CACNA1I: variants seen among roughly 807,000 people sequenced by gnomAD.
The protein encoded by CACNA1I is calcium voltage-gated channel subunit alpha1 I, also known as voltage-dependent T-type calcium channel subunit alpha-1I.
Under a neutral mutation model 201.6 loss-of-function variants are expected in CACNA1I, and 74 were observed. The observed-to-expected ratio is 0.37, with a 90% CI of 0.30 to 0.45. CACNA1I has a LOEUF of 0.45. CACNA1I is among the 20% of genes least tolerant of loss of function. The pLI, the probability that CACNA1I is intolerant of heterozygous loss-of-function variation, is 1.00. For missense variants in CACNA1I, 2,346 were observed against 3,138.1 expected, an observed-to-expected ratio of 0.75 and a Z score of 6.03; for synonymous variants, 1,431 against 1,345.2, an observed-to-expected ratio of 1.06 and a Z score of -1.40.
chr22:39,679,930 G>T, intron 33 of CACNA1I, 62 bp downstream of exon 33: 1 of 1,524,538 alleles, frequency 6.6e-7, no homozygotes, highest in Non-Finnish European at 8.9e-7. Context: ...CTGGTGGGGG[G>T]CCTGTCCGAG....
At position 39,683,128 on chromosome 22, in the gene CACNA1I, C is replaced by G. The variant is rs1285785128; in HGVS notation, c.5830+467C>G. ...GTTTTGTGAATTCCTGATACTTATC[C>G]TTCAGCCCTACCTGCAGTGTTCTGT... On this transcript the variant is annotated intron_variant, in intron 35 of 36. Coordinates refer to ENST00000402142, the MANE Select transcript of CACNA1I (RefSeq NM_021096.4). Among the ~76,000 whole-genome samples the G allele has an allele frequency of 3.9e-5, 6 of 152,202 alleles. No individual in the cohort carries two copies. The East Asian group carries it at 1.2e-3, about 29-fold the overall frequency.
At chr22:39,639,025 A>T (rs1372079250) in intron 5 of CACNA1I, among the ~76,000 whole-genome samples, 2 of 151,516 alleles carry the variant, frequency 1.3e-5, no homozygotes, top group African/African-American at 4.9e-5. Context: ...GGGTTTGGGG[A>T]CCCCTGCTTT....
chr22:39,606,074 A>G (rs1305901627), intron 3 of CACNA1I, among the ~76,000 whole-genome samples: 1 of 152,000 alleles, frequency 6.6e-6, no homozygotes, highest in Non-Finnish European at 1.5e-5. Flanking sequence ...CCTTCCCACC[A>G]TTTGTCAAAG....
In CACNA1I at chr22:39,649,472, ACT is replaced by A; in HGVS notation, c.1568-26_1568-25del. 6.5e-7 allele frequency: 1 copy of A among 1,537,526 alleles called. No individual in the cohort carries two copies. The highest frequency in any genetic ancestry group is 8.8e-7 in the Non-Finnish European group (1 of 1,141,998). On this transcript the variant is annotated intron_variant, in intron 9 of 36. Coordinates refer to ENST00000402142, the MANE Select transcript of CACNA1I (RefSeq NM_021096.4). This position sits in a 1 kb window ranked among gnomAD's most constrained non-coding sequence, Gnocchi z 7.3. ...TGGATTGGGCCTGGTGTGGGCAACG[ACT>A]CTATGCCCCTCTCATTTGCTTTTCA...
chr22:39,673,916 C>T, intron 28 of CACNA1I, 47 bp from the exon 29 acceptor site: 2 of 1,579,332 alleles, frequency 1.3e-6, no homozygotes, highest in Non-Finnish European at 8.7e-7. Flanking sequence ...ACACACACGT[C>T]CCCACCGGCC....
At chr22:39,619,806 G>T (rs1406200703) in intron 4 of CACNA1I, among the ~76,000 whole-genome samples, 1 of 152,102 alleles carries the variant, frequency 6.6e-6, no homozygotes, top group African/African-American at 2.4e-5. Flanking sequence ...AATGAAACCT[G>T]ACTCCCTCAC....
At chr22:39,582,985 C>T (rs1287313716) in intron 1 of CACNA1I, among the ~76,000 whole-genome samples, 1 of 151,522 alleles carries the variant, frequency 6.6e-6, no homozygotes, top group Non-Finnish European at 1.5e-5. Context: ...TCCCTCCATC[C>T]ATCCACCCAC....
At chr22:39,593,438 G>T (rs1451432396) in intron 1 of CACNA1I, among the ~76,000 whole-genome samples, 1 of 152,204 alleles carries the variant, frequency 6.6e-6, no homozygotes, top group Non-Finnish European at 1.5e-5. Flanking sequence ...CTTGTGAGGG[G>T]CAAGAGGCAC....
rs1847955072 is a variant in CACNA1I at position 39,675,508 on chromosome 22, A to C, written c.4854+1475A>C. The stretch of plus-strand genomic sequence containing the variant: ...CTCCAGCAGGAGACCCAAGGTAGTC[A>C]TTACAAGTGCATTAGCACTTGAGAA... On this transcript the variant is annotated intron_variant, in intron 29 of 36. Coordinates refer to ENST00000402142, the MANE Select transcript of CACNA1I (RefSeq NM_021096.4). Among the ~76,000 whole-genome samples the C allele has an allele frequency of 3.3e-5, 5 of 152,360 alleles. No homozygotes were observed. The South Asian group carries it at 1.0e-3, about 32-fold the overall frequency.
chr22:39,620,786 G>A (rs1043921435), intron 4 of CACNA1I, among the ~76,000 whole-genome samples: 5 of 151,902 alleles, frequency 3.3e-5, no homozygotes, highest in Admixed American at 6.6e-5. Flanking sequence ...ACAGCCCGTA[G>A]CTCTGTTGCC....
rs758764945 is a variant in CACNA1I at position 39,642,756 on chromosome 22, T to A, written c.1057-41T>A. On this transcript the variant is annotated intron_variant, in intron 6 of 36. Transcript: ENST00000402142. ...ACTGCCTGGGCTACGGGCTTTCTGA[T>A]GGGCCAGTCCTCTCGGCTCTCTCTC... 2.1e-6 allele frequency: 3 copies of A among 1,450,478 alleles called. No individual in the cohort carries two copies. In the African/African-American group the frequency reaches 4.2e-5, roughly 20 times the overall value. 89.9% of individuals were successfully genotyped at this position (1,450,478 alleles called of 1,614,324 possible).
chr22:39,624,796 A>G (rs1817390883), intron 4 of CACNA1I, among the ~76,000 whole-genome samples: 1 of 152,222 alleles, frequency 6.6e-6, no homozygotes, highest in Non-Finnish European at 1.5e-5. Context: ...AGTGCTTCCT[A>G]GAGAGATTTC....
rs1056940764 is a variant in CACNA1I, at chr22:39,686,440, C to T, written c.*35C>T. 3 of 1,202,362 alleles carry T rather than the reference C, an allele frequency of 2.5e-6. No homozygotes were observed. The African/African-American group carries it at 4.8e-5, about 19-fold the overall frequency. 74.5% of individuals were successfully genotyped at this position (1,202,362 alleles called of 1,614,324 possible). The stretch of plus-strand genomic sequence containing the variant: ...GGGCCCCCGGCCGCCCACCGCCCGC[C>T]CCGTCTCACCTTCTTTACCTCAGGA... On this transcript the variant is annotated 3_prime_UTR_variant, in exon 37 of 37. Transcript: ENST00000402142.
intron 3 of CACNA1I, among the ~76,000 whole-genome samples, chr22:39,612,750 G>A (rs1601816816): frequency 1.3e-5 from 2 of 152,198 alleles, no homozygotes; most frequent in Admixed American, 6.5e-5. Context: ...ATAGCAATGG[G>A]TGAAATGACC....
Position 39,686,508 on chromosome 22 carries a change from G to T in CACNA1I, c.*103G>T, listed in dbSNP as rs1291163225. On this transcript the variant is annotated 3_prime_UTR_variant, in exon 37 of 37. Coordinates refer to ENST00000402142, the MANE Select transcript of CACNA1I (RefSeq NM_021096.4). ...ATACTTCGTCCACACCTGGGATCGC[G>T]CAGGGCCCGCAGGGCACAGGCGCCC... The T allele has an allele frequency of 4.6e-6, 4 of 865,754 alleles. No individual in the cohort carries two copies. The highest frequency in any genetic ancestry group is 6.0e-6 in the Non-Finnish European group (4 of 665,216). The allele number at this position is 865,754 out of a possible 1,614,324, so 53.6% of individuals were successfully genotyped here. A position where few individuals can be genotyped will look rare whatever the true frequency, so the allele number is the denominator to read the frequency against.
intron 17 of CACNA1I, 34 bp downstream of exon 17, chr22:39,662,469 C>T: frequency 1.5e-6 from 2 of 1,364,644 alleles, no homozygotes; most frequent in African/African-American, 1.5e-5. Context: ...GGACCTGGTG[C>T]GGTGGGATAG....
chr22:39,658,567 C>T (rs907826323), intron 11 of CACNA1I, among the ~76,000 whole-genome samples: 2 of 152,222 alleles, frequency 1.3e-5, no homozygotes, highest in African/African-American at 2.4e-5. Context: ...TCGGCTGTCA[C>T]GTGACGTGAA....
chr22:39,682,586 G>C lies in CACNA1I; in HGVS notation c.5755G>C (p.Glu1919Gln), dbSNP rs1174563308. 3 of 1,613,710 alleles carry C rather than the reference G, an allele frequency of 1.9e-6. No individual in the cohort carries two copies. The highest frequency in any genetic ancestry group is 2.5e-6 in the Non-Finnish European group (3 of 1,179,870). Residue 1919 changes from glutamate to glutamine, a missense_variant, in exon 35 of 37, where the codon GAG (glutamate) becomes CAG (glutamine). Physicochemically the swap from Glu to Gln is conservative, Grantham distance 29 (BLOSUM62 2). Around this residue, in one of 13 missense-constraint regions of CACNA1I, gnomAD observed 441 missense variants for 555.6 expected, o/e 0.79. Coordinates refer to ENST00000402142, the MANE Select transcript of CACNA1I (RefSeq NM_021096.4). The part of the protein sequence containing the change: ...LSSTAVSPDP[E>Q]NFLCEMEEIP... ...CTCTACGGCCGTCTCGCCGGATCCA[G>C]AGAACTTCCTGTGTGAGATGGAGGA...
At chr22:39,588,315 G>A (rs1324393767) in intron 1 of CACNA1I, among the ~76,000 whole-genome samples, 3 of 149,474 alleles carry the variant, frequency 2.0e-5, no homozygotes, top group South Asian at 2.1e-4. Context: ...TTTTTATTGA[G>A]GTTAAATGTA....
Sources: allele counts gnomAD v4.1 joint callset (sites outside exome capture counted in the v4.1 genomes callset), GRCh38; gene constraint gnomAD v4.1.1; regional missense constraint gnomAD v4.1.1; non-coding constraint Gnocchi (gnomAD v3.1); transcripts MANE v1.5; gene names NCBI Gene and HGNC (gene_info 2026-07-23, HGNC 2026-07-21).